Variants in HDAC5 observed in about 807,000 individuals in gnomAD.
HDAC5 encodes antigen NY-CO-9.
In HDAC5, 25 loss-of-function variants were observed where a neutral mutation model predicts 133.3. The observed-to-expected ratio is 0.19, with a 90% confidence interval of 0.14 to 0.26. The LOEUF is 0.26. Among genes scored for constraint, HDAC5 ranks in the 10% least tolerant of loss-of-function variants. The pLI is 1.00. For missense variants in HDAC5, 1,041 were observed against 1,460.5 expected (o/e 0.71, Z 4.68); for synonymous variants, 589 against 610.8 (o/e 0.96, Z 0.53).
intron 1 of HDAC5, among the ~76,000 whole-genome samples, chr17:44,118,635 C>G (rs975682872): frequency 6.6e-6 from 1 of 152,200 alleles, no homozygotes; most frequent in Admixed American, 6.5e-5. Flanking sequence ...GCCTCAGACA[C>G]TATGCATACA....
rs2050204272 is a variant in HDAC5, at chr17:44,078,270, G to A, written c.*106C>T. 1 of 1,240,678 alleles carries A rather than the reference G, an allele frequency of 8.1e-7. No homozygotes were observed. Among genetic ancestry groups the A allele is most frequent in the South Asian group, 1.7e-5 (1 of 58,478 alleles). 76.9% of individuals were successfully genotyped at this position (1,240,678 alleles called of 1,614,324 possible). On this transcript the variant is annotated 3_prime_UTR_variant, in exon 27 of 27. Transcript: ENST00000682912. ...GTAGAGGAGCAGGAGGGGCAAGGCT[G>A]AGAGACCCACACGGCACACCTTGTT...
intron 3 of HDAC5, among the ~76,000 whole-genome samples, chr17:44,106,925 C>G (rs2051991643): frequency 6.6e-6 from 1 of 151,712 alleles, no homozygotes; most frequent in Non-Finnish European, 1.5e-5. Flanking sequence ...CAAATTCCAG[C>G]TCTCACTTAC....
intron 14 of HDAC5, 161 bp from the exon 15 acceptor site, chr17:44,085,316 T>A (rs2050594068): frequency 3.9e-6 from 2 of 510,426 alleles, no homozygotes; most frequent in African/African-American, 2.0e-5. Context: ...CTGCCCCCTC[T>A]CCTCTCCAGC....
Position 44,087,456 on chromosome 17 carries a change from C to T in HDAC5, c.1840G>A (p.Glu614Lys). The change falls in exon 13 of 27, where the codon GAG (glutamate) becomes AAG (lysine). Residue 614 changes from glutamate (E) to lysine (K), a missense_variant. Glu to Lys is a moderately conservative substitution (Grantham distance 56, BLOSUM62 1). Transcript: ENST00000682912. ...VKDEEGESGA[E>K]EGPDLEEPGA... ...GGCTCCTCCAAGTCGGGCCCCTCCT[C>T]AGCACCACTCTCGCCCTCCTCGTCC... 7.0e-7 allele frequency: 1 copy of T among 1,430,006 alleles called. No individual in the cohort carries two copies. Among genetic ancestry groups the T allele is most frequent in the Non-Finnish European group, 9.9e-7 (1 of 1,012,202 alleles). 88.6% of individuals were successfully genotyped at this position (1,430,006 alleles called of 1,614,324 possible).
chr17:44,091,570 AC>A (rs1170642852), intron 10 of HDAC5, 78 bp from the exon 11 acceptor site: 9 of 1,477,458 alleles, frequency 6.1e-6, no homozygotes, highest in Admixed American at 4.6e-5. Context: ...CCCACTATCT[AC>A]CCCCCAAGCT....
At chr17:44,083,779 C>T in intron 17 of HDAC5, 26 bp downstream of exon 17, 3 of 1,580,326 alleles carry the variant, frequency 1.9e-6, no homozygotes, top group African/African-American at 1.3e-5. Context: ...CGCCCGCCCA[C>T]CCCCACTGCT....
At chr17:44,100,142 G>C (rs1421020868) in intron 3 of HDAC5, among the ~76,000 whole-genome samples, 1 of 152,150 alleles carries the variant, frequency 6.6e-6, no homozygotes, top group African/African-American at 2.4e-5. Flanking sequence ...ACAGGTTTTA[G>C]CAGTGCCTTG....
At chr17:44,095,235 A>G (rs913118564) in intron 3 of HDAC5, among the ~76,000 whole-genome samples, 1 of 152,230 alleles carries the variant, frequency 6.6e-6, no homozygotes, top group Non-Finnish European at 1.5e-5. Context: ...GAGAAGTTTA[A>G]GTAGCAACCA....
rs892686184 is a variant in HDAC5 at position 44,091,580 on chromosome 17, C to T, written c.1165-88G>A. ...ATCTACCCACTATCTACCCCCCAAG[C>T]TCTGGGTAGGGCCAACAGATCTCCC... On this transcript the variant is annotated intron_variant, in intron 10 of 26. Coordinates refer to ENST00000682912, the MANE Select transcript of HDAC5 (RefSeq NM_005474.5). 7 of 1,486,524 alleles carry T rather than the reference C, an allele frequency of 4.7e-6. No homozygotes were observed. In the Admixed American group the frequency reaches 1.2e-4, roughly 24 times the overall value. 92.1% of individuals were successfully genotyped at this position (1,486,524 alleles called of 1,614,324 possible). A position where few individuals can be genotyped will look rare whatever the true frequency, so the allele number is the denominator to read the frequency against.
chr17:44,098,270 GGCA>G (rs890894879), intron 3 of HDAC5, among the ~76,000 whole-genome samples: 16 of 152,216 alleles, frequency 1.1e-4, no homozygotes, highest in African/African-American at 3.6e-4. Flanking sequence ...CAGAGCAGGT[GGCA>G]GCAGTTGCCA....
rs2051067021 is a variant in HDAC5 at position 44,093,424 on chromosome 17, T to C, written c.416A>G (p.Gln139Arg). The change falls in exon 5 of 27, where the codon CAG becomes CGG. Residue 139 changes from glutamine (Q) to arginine (R), a missense_variant. By Grantham distance (43) the Gln-to-Arg change is conservative. Around this residue, in one of 9 missense-constraint regions of HDAC5, gnomAD observed 109 missense variants for 168.0 expected, o/e 0.65. Coordinates refer to ENST00000682912, the MANE Select transcript of HDAC5 (RefSeq NM_005474.5). ...CCGCTGCCGCTGCTGCTCCAGCTCC[T>C]GCTGCCGCTTGGCTGCCAGCATCTC... ...QQEMLAAKRQ[Q>R]ELEQQRQREQ... 6.2e-7 allele frequency: 1 copy of C among 1,601,798 alleles called. No homozygotes were observed. Among genetic ancestry groups the C allele is most frequent in the South Asian group, 1.1e-5 (1 of 90,644 alleles).
In HDAC5 at chr17:44,123,569, G is replaced by A. The variant is rs1417360133; in HGVS notation, c.-255C>T. ...AGCAGCGGCGGCGGCAGCGGCGGCA[G>A]CACCTCCTCGACGGCTCCTCCATCT... is the stretch of plus-strand genomic sequence containing the variant. On this transcript the variant is annotated 5_prime_UTR_variant, in exon 1 of 27. Transcript: ENST00000682912. The A allele has an allele frequency of 1.0e-5, 4 of 401,884 alleles. No individual in the cohort carries two copies. Among genetic ancestry groups the A allele is most frequent in the African/African-American group, 4.1e-5 (2 of 48,488 alleles). 24.9% of individuals were successfully genotyped at this position (401,884 alleles called of 1,614,324 possible). A position where few individuals can be genotyped will look rare whatever the true frequency, so the allele number is the denominator to read the frequency against.
At chr17:44,122,448 C>T (rs2143695222) in intron 1 of HDAC5, among the ~76,000 whole-genome samples, 1 of 152,286 alleles carries the variant, frequency 6.6e-6, no homozygotes, top group Non-Finnish European at 1.5e-5. Flanking sequence ...CCTCCCCAAG[C>T]TCCAAATCTA....
At chr17:44,095,995 G>A (rs961002190) in intron 3 of HDAC5, among the ~76,000 whole-genome samples, 13 of 152,046 alleles carry the variant, frequency 8.6e-5, no homozygotes, top group East Asian at 1.9e-4. Flanking sequence ...ATGGGCTTAT[G>A]GGAGGGCTAG....
At chr17:44,109,429 C>T (rs528893879) in intron 3 of HDAC5, among the ~76,000 whole-genome samples, 3 of 152,240 alleles carry the variant, frequency 2.0e-5, no homozygotes, top group East Asian at 3.9e-4. Flanking sequence ...CTTGTAGAGC[C>T]GGTTCCCAAG....
chr17:44,091,652 T>C (rs1187027871), intron 10 of HDAC5, 48 bp downstream of exon 10: 1 of 1,517,816 alleles, frequency 6.6e-7, no homozygotes, highest in Admixed American at 2.2e-5. Context: ...ATGCAGGACC[T>C]GTGACCTCAA....
intron 3 of HDAC5, among the ~76,000 whole-genome samples, chr17:44,106,644 G>A (rs1436606818): frequency 6.6e-6 from 1 of 151,582 alleles, no homozygotes; most frequent in African/African-American, 2.4e-5. Context: ...AGGCTGGAGT[G>A]CAATGGCGCA....
intron 3 of HDAC5, among the ~76,000 whole-genome samples, chr17:44,099,008 C>T (rs1278871953): frequency 2.0e-5 from 3 of 151,598 alleles, no homozygotes; most frequent in East Asian, 2.0e-4. Context: ...CCCAGCTACT[C>T]GGGAGGCTGA....
At chr17:44,092,043 G>T in intron 9 of HDAC5, 129 bp downstream of exon 9, 1 of 947,534 alleles carries the variant, frequency 1.1e-6, no homozygotes, top group Non-Finnish European at 1.6e-6. Context: ...GGATCCTCCA[G>T]CCTATTCATG....
Sources: allele counts gnomAD v4.1 joint callset (sites outside exome capture counted in the v4.1 genomes callset), GRCh38; gene constraint gnomAD v4.1.1; regional missense constraint gnomAD v4.1.1; transcripts MANE v1.5; gene names NCBI Gene and HGNC (gene_info 2026-07-23, HGNC 2026-07-21).